BZW2: variants seen among roughly 807,000 people sequenced by gnomAD.
BZW2 encodes the protein basic leucine zipper and W2 domains 2, also known as eIF5-mimic protein 1.
Under a neutral mutation model 53.2 loss-of-function variants are expected in BZW2, and 23 were observed. The observed-to-expected ratio is 0.43, with a 90% confidence interval of 0.31 to 0.61. The LOEUF (loss-of-function observed/expected upper bound fraction) is 0.61, where lower values mean the gene tolerates loss of function less well. BZW2 is among the 20% of genes least tolerant of loss of function. BZW2 has a pLI of 0.09. For synonymous variants in BZW2, 227 were observed against 186.4 expected (o/e 1.22, Z -1.77); for missense variants, 409 against 503.1 (o/e 0.81, Z 1.79).
At chr7:16,704,190 C>T (rs984206790) in intron 10 of BZW2, among the ~76,000 whole-genome samples, 1 of 152,032 alleles carries the variant, frequency 6.6e-6, no homozygotes, top group African/African-American at 2.4e-5. Flanking sequence ...TTGGCAGGAC[C>T]CAAAATGTTC....
intron 10 of BZW2, among the ~76,000 whole-genome samples, chr7:16,702,541 G>A (rs187202028): frequency 6.6e-6 from 1 of 152,060 alleles, no homozygotes; most frequent in Admixed American, 6.6e-5. Flanking sequence ...CATTTGATAG[G>A]TTTTACCTAT....
intron 5 of BZW2, among the ~76,000 whole-genome samples, chr7:16,683,197 AAAAAT>A (rs1198526453): frequency 6.6e-5 from 10 of 152,244 alleles, no homozygotes; most frequent in African/African-American, 1.9e-4. Context: ...CTCCATCTCA[AAAAAT>A]AAAATAAAAT....
At chr7:16,678,518 A>T (rs1782838233) in intron 3 of BZW2, among the ~76,000 whole-genome samples, 2 of 152,234 alleles carry the variant, frequency 1.3e-5, no homozygotes, top group Admixed American at 1.3e-4. Context: ...TTAATGCAAG[A>T]TGTAGCAATA....
chr7:16,655,118 A>T (rs1782089360), intron 1 of BZW2, among the ~76,000 whole-genome samples: 2 of 152,138 alleles, frequency 1.3e-5, no homozygotes, highest in Middle Eastern at 3.2e-3. Flanking sequence ...AATGGATTAG[A>T]CTCTGAATGA....
At chr7:16,665,585 C>T (rs1376574904) in intron 2 of BZW2, 84 bp downstream of exon 2, 6 of 1,554,982 alleles carry the variant, frequency 3.9e-6, no homozygotes, top group Non-Finnish European at 5.2e-6. Flanking sequence ...ATCCCTGTTT[C>T]CCCCAGCCTC....
chr7:16,656,797 A>G (rs748022706), intron 1 of BZW2, among the ~76,000 whole-genome samples: 10 of 152,220 alleles, frequency 6.6e-5, no homozygotes, highest in Non-Finnish European at 1.0e-4. Context: ...AGTTATGAGC[A>G]TGGACCTATG....
chr7:16,681,343 T>G lies in BZW2; in HGVS notation c.278T>G (p.Met93Arg), dbSNP rs1172407347. ...TRIDDGDKTK[M>R]TNHCVFSANE... is the part of the protein sequence containing the mutation. The stretch of plus-strand genomic sequence containing the variant: ...ATAGATGATGGTGACAAGACCAAGA[T>G]GACCAACCACTGTGTGTTTTCAGCA... The change falls in exon 4 of 12, where the codon ATG (methionine) becomes AGG (arginine). Residue 93 changes from methionine to arginine, a missense_variant. Transcript: ENST00000258761. The G allele has an allele frequency of 6.2e-7, 1 of 1,614,110 alleles. No individual in the cohort carries two copies. Among genetic ancestry groups the G allele is most frequent in the East Asian group, 2.2e-5 (1 of 44,878 alleles).
chr7:16,677,751 C>T (rs894134545), intron 3 of BZW2, among the ~76,000 whole-genome samples: 1 of 152,138 alleles, frequency 6.6e-6, no homozygotes, highest in Non-Finnish European at 1.5e-5. Flanking sequence ...CCCTGACTAT[C>T]TGCTTGATAG....
chr7:16,690,297 G>T (rs913525415), intron 7 of BZW2, among the ~76,000 whole-genome samples: 2 of 151,964 alleles, frequency 1.3e-5, no homozygotes, highest in African/African-American at 4.8e-5. Flanking sequence ...TGCCTCCGGA[G>T]TTCAAACAAT....
In BZW2 at chr7:16,706,189, GAAA is replaced by G; in HGVS notation, c.*109_*111del. On this transcript the variant is annotated 3_prime_UTR_variant, in exon 12 of 12. Coordinates refer to ENST00000258761, the MANE Select transcript of BZW2 (RefSeq NM_014038.3). ...AAACTTGGCTTCTGTTTTCGCAAAG[GAAA>G]AAAAAAATAGGATAGGCTTCCCTTG... The G allele has an allele frequency of 8.3e-7, 1 of 1,201,538 alleles. No homozygotes were observed. The highest frequency in any genetic ancestry group is 2.3e-5 in the Admixed American group (1 of 42,968). The allele number at this position is 1,201,538 out of a possible 1,614,324, so 74.4% of individuals were successfully genotyped here.
intron 6 of BZW2, among the ~76,000 whole-genome samples, chr7:16,689,373 T>C (rs1010247287): frequency 6.6e-6 from 1 of 152,212 alleles, no homozygotes; most frequent in African/African-American, 2.4e-5. Flanking sequence ...TATTAGCAAA[T>C]TACTTGATAA....
chr7:16,704,427 A>G, intron 10 of BZW2, 120 bp from the exon 11 acceptor site: 3 of 1,099,546 alleles, frequency 2.7e-6, no homozygotes, highest in Non-Finnish European at 3.7e-6. Context: ...CTCTCTTCTG[A>G]TAAGTAACAG....
intron 10 of BZW2, among the ~76,000 whole-genome samples, chr7:16,698,948 G>T (rs145776893): frequency 4.4e-4 from 67 of 152,164 alleles, no homozygotes; most frequent in African/African-American, 1.4e-3. Context: ...AATAATACCA[G>T]CCAAATGTTT....
At chr7:16,659,594 A>G (rs1276856669) in intron 1 of BZW2, among the ~76,000 whole-genome samples, 1 of 152,126 alleles carries the variant, frequency 6.6e-6, no homozygotes, top group Non-Finnish European at 1.5e-5. Context: ...TAATTTTAGC[A>G]TTAATGGAAA....
At chr7:16,690,578 C>T (rs1783270150) in intron 7 of BZW2, among the ~76,000 whole-genome samples, 1 of 152,152 alleles carries the variant, frequency 6.6e-6, no homozygotes, top group Admixed American at 6.5e-5. Flanking sequence ...TAATCAAATA[C>T]TTGTGATGTC....
intron 10 of BZW2, among the ~76,000 whole-genome samples, chr7:16,701,813 C>T (rs1161562374): frequency 3.9e-5 from 6 of 152,130 alleles, no homozygotes; most frequent in African/African-American, 1.4e-4. Context: ...TCCCTGACTT[C>T]CTGAATTTCA....
intron 2 of BZW2, among the ~76,000 whole-genome samples, chr7:16,667,331 CTTTT>C (rs917649494): frequency 4.1e-5 from 6 of 146,028 alleles, no homozygotes; most frequent in African/African-American, 1.5e-4. Flanking sequence ...AATAGGGAAA[CTTTT>C]TCAAAGAGGA....
In BZW2 at chr7:16,686,206, G is replaced by A. The variant is rs757523643; in HGVS notation, c.541+166G>A. 42 of 1,094,516 alleles carry A rather than the reference G, an allele frequency of 3.8e-5. No individual in the cohort carries two copies. The South Asian group carries it at 5.5e-4, about 14-fold the overall frequency. The allele number at this position is 1,094,516 out of a possible 1,614,324, so 67.8% of individuals were successfully genotyped here. On this transcript the variant is annotated intron_variant, in intron 6 of 11. Transcript: ENST00000258761. ...TATTGCCTTTCAAATAATAAAAGGA[G>A]TGGACTTGTTAATTGTAGGAAGTTT...
intron 1 of BZW2, among the ~76,000 whole-genome samples, chr7:16,648,582 T>C (rs1562472393): frequency 1.3e-5 from 2 of 152,328 alleles, no homozygotes; most frequent in African/African-American, 2.4e-5. Context: ...TCAATAAACA[T>C]TGAGCACCCA....
Sources: gnomAD v4.1 joint callset for allele counts (sites outside exome capture counted in the v4.1 genomes callset) on GRCh38, gnomAD v4.1.1 for gene constraint, MANE v1.5 for transcripts, NCBI Gene and HGNC (gene_info 2026-07-23, HGNC 2026-07-21) for gene names.